Variants in CYYR1 observed in about 807,000 individuals in gnomAD.
CYYR1 encodes cysteine and tyrosine rich 1.
CYYR1 carries 14 observed loss-of-function variants against 15.2 expected under a neutral mutation model. The observed-to-expected ratio is 0.92, with a 90% CI of 0.61 to 1.44. The LOEUF is 1.44. Ranked by LOEUF, CYYR1 falls within the 40% of genes most tolerant of loss-of-function variation. The probability of loss-of-function intolerance (pLI) is 0.00; values close to 1 mark genes in which losing one functional copy is unlikely to be tolerated. For synonymous variants in CYYR1, 80 were observed against 77.4 expected (o/e 1.03, Z -0.18); for missense variants, 228 against 209.5 (o/e 1.09, Z -0.54).
intron 2 of CYYR1, among the ~76,000 whole-genome samples, chr21:26,547,981 C>A (rs112975928): frequency 2.6e-5 from 4 of 151,958 alleles, no homozygotes; most frequent in South Asian, 2.1e-4. Context: ...TTCATTTAAA[C>A]CTTGTAGCAA....
chr21:26,544,101 T>TA (rs1319511138), intron 2 of CYYR1, among the ~76,000 whole-genome samples: 2 of 152,080 alleles, frequency 1.3e-5, no homozygotes, highest in African/African-American at 4.8e-5. Context: ...GTCTGACAGA[T>TA]ACAGTGAAGA....
intron 3 of CYYR1, among the ~76,000 whole-genome samples, chr21:26,475,309 C>A (rs777801941): frequency 6.6e-6 from 1 of 151,952 alleles, no homozygotes; most frequent in Non-Finnish European, 1.5e-5. Flanking sequence ...AAAAGAACAT[C>A]CTTTGACCAC....
chr21:26,522,878 T>A (rs1055274680), intron 2 of CYYR1, among the ~76,000 whole-genome samples: 1 of 152,190 alleles, frequency 6.6e-6, no homozygotes, highest in African/African-American at 2.4e-5. Flanking sequence ...TCAAGAGTGT[T>A]CTGAGCACAA....
intron 1 of CYYR1, among the ~76,000 whole-genome samples, chr21:26,566,692 G>A (rs1315043721): frequency 6.6e-6 from 1 of 152,106 alleles, no homozygotes; most frequent in Non-Finnish European, 1.5e-5. Flanking sequence ...TGTCCATAGA[G>A]TTTTTATAAT....
chr21:26,538,676 G>A (rs1458838000), intron 2 of CYYR1, among the ~76,000 whole-genome samples: 1 of 152,170 alleles, frequency 6.6e-6, no homozygotes, highest in Non-Finnish European at 1.5e-5. Flanking sequence ...CCATTTGGGA[G>A]CAAGAGTGTG....
intron 2 of CYYR1, among the ~76,000 whole-genome samples, chr21:26,524,452 G>T (rs754581544): frequency 1.5e-4 from 23 of 152,244 alleles, no homozygotes; most frequent in Non-Finnish European, 2.6e-4. Context: ...AATATATTTG[G>T]CCTGTATGTC....
chr21:26,572,830 C>G (rs562239375), intron 1 of CYYR1, 38 bp downstream of exon 1: 19 of 1,610,094 alleles, frequency 1.2e-5, no homozygotes, highest in Non-Finnish European at 1.6e-5. Context: ...AGGGCAGCCC[C>G]GAGCCTCTGA....
chr21:26,565,679 A>C (rs1260790016), intron 2 of CYYR1, among the ~76,000 whole-genome samples: 2 of 152,282 alleles, frequency 1.3e-5, no homozygotes, highest in East Asian at 3.9e-4. Flanking sequence ...CTACATGTAC[A>C]TATTTCATTT....
chr21:26,551,258 T>TG (rs1230187702), intron 2 of CYYR1: 1 of 151,894 alleles, frequency 6.6e-6, no homozygotes, highest in African/African-American at 2.5e-5. Context: ...AGAGCTCTGA[T>TG]GGAGGTGTGC....
chr21:26,505,577 G>C (rs2065547338), intron 2 of CYYR1, among the ~76,000 whole-genome samples: 1 of 152,194 alleles, frequency 6.6e-6, no homozygotes, highest in African/African-American at 2.4e-5. Flanking sequence ...CATAACCAGA[G>C]TGCCTGGAAC....
chr21:26,554,812 T>C (rs191303060), intron 2 of CYYR1, among the ~76,000 whole-genome samples: 26 of 152,260 alleles, frequency 1.7e-4, no homozygotes, highest in Admixed American at 6.5e-4. Context: ...TTGCTCAGGC[T>C]GGACTCAAAC....
chr21:26,572,477 G>GT (rs573220016), intron 1 of CYYR1, among the ~76,000 whole-genome samples: 5 of 152,000 alleles, frequency 3.3e-5, no homozygotes, highest in East Asian at 3.9e-4. Context: ...AAAGCTCTAA[G>GT]TTTTTTTTAT....
intron 2 of CYYR1, among the ~76,000 whole-genome samples, chr21:26,504,860 G>T (rs1338656620): frequency 6.6e-6 from 1 of 152,036 alleles, no homozygotes; most frequent in African/African-American, 2.4e-5. Flanking sequence ...ATGTCCGTGA[G>T]TTGAATTGAT....
At chr21:26,500,299 A>G (rs1349166939) in intron 2 of CYYR1, among the ~76,000 whole-genome samples, 2 of 152,202 alleles carry the variant, frequency 1.3e-5, no homozygotes, top group Non-Finnish European at 1.5e-5. Context: ...CATTCAGTCC[A>G]TAACAGGCAA....
At chr21:26,518,129 G>A (rs1314679839) in intron 2 of CYYR1, among the ~76,000 whole-genome samples, 1 of 152,188 alleles carries the variant, frequency 6.6e-6, no homozygotes, top group Non-Finnish European at 1.5e-5. Flanking sequence ...GAGGATTTGG[G>A]AAGGCAATGC....
chr21:26,531,740 T>C (rs1331150072), intron 2 of CYYR1, among the ~76,000 whole-genome samples: 1 of 152,134 alleles, frequency 6.6e-6, no homozygotes, highest in Non-Finnish European at 1.5e-5. Context: ...GAACGGGCTA[T>C]GACAATGACT....
At chr21:26,533,593 C>T (rs1027682323) in intron 2 of CYYR1, among the ~76,000 whole-genome samples, 2 of 152,112 alleles carry the variant, frequency 1.3e-5, no homozygotes, top group African/African-American at 2.4e-5. Context: ...CTTCTTCCCC[C>T]AGTCCACGAA....
intron 2 of CYYR1, among the ~76,000 whole-genome samples, chr21:26,554,935 C>A (rs1302737151): frequency 6.6e-6 from 1 of 151,972 alleles, no homozygotes; most frequent in African/African-American, 2.4e-5. Flanking sequence ...ATGTTTTCAT[C>A]AATGACAGGA....
chr21:26,536,819 C>T (rs1402788819), intron 2 of CYYR1, among the ~76,000 whole-genome samples: 1 of 152,120 alleles, frequency 6.6e-6, no homozygotes, highest in African/African-American at 2.4e-5. Context: ...CACCAAGCGA[C>T]ATCATTTCTA....
Sources: gnomAD v4.1 joint callset for allele counts (sites outside exome capture counted in the v4.1 genomes callset) on GRCh38, gnomAD v4.1.1 for gene constraint, MANE v1.5 for transcripts, NCBI Gene and HGNC (gene_info 2026-07-23, HGNC 2026-07-21) for gene names.